DOCK7: variants seen among roughly 807,000 people sequenced by gnomAD.
DOCK7 encodes the protein dedicator of cytokinesis 7.
In DOCK7, 138 loss-of-function variants were observed where a neutral mutation model predicts 271.0. The ratio of observed to expected loss-of-function variants is 0.51; its 90% CI spans 0.44 to 0.59. The LOEUF (loss-of-function observed/expected upper bound fraction) is 0.59. Among genes scored for constraint, DOCK7 ranks in the 20% least tolerant of loss-of-function variants. DOCK7 has a pLI of 0.00. For synonymous variants in DOCK7, 823 were observed against 876.1 expected (o/e 0.94, Z 1.07); for missense variants, 2,066 against 2,592.4 (o/e 0.80, Z 4.41).
At chr1:62,535,366 G>T (rs972570355) in intron 29 of DOCK7, 127 bp downstream of exon 29, 7 of 729,940 alleles carry the variant, frequency 9.6e-6, no homozygotes, top group Non-Finnish European at 1.3e-5. Context: ...GAAACTTAGT[G>T]AAGAGGGAAG....
At chr1:62,519,000 A>C (rs865800285) in intron 31 of DOCK7, among the ~76,000 whole-genome samples, 1 of 61,366 alleles carries the variant, frequency 1.6e-5, no homozygotes, top group Non-Finnish European at 3.1e-5. Flanking sequence ...TGAAAAAGTC[A>C]TGCTATACAC....
intron 41 of DOCK7, 90 bp from the exon 42 acceptor site, chr1:62,489,155 G>A (rs1361701274): frequency 1.6e-6 from 2 of 1,276,894 alleles, no homozygotes; most frequent in African/African-American, 3.0e-5. Flanking sequence ...TTTCTATTAA[G>A]ATAATACACT....
chr1:62,598,173 T>A lies in DOCK7; in HGVS notation c.1683-11549A>T, dbSNP rs759642499. 2.8e-6 allele frequency: 3 copies of A among 1,060,568 alleles called. No individual in the cohort carries two copies. In the Admixed American group the frequency reaches 9.3e-5, roughly 33 times the overall value. The allele number at this position is 1,060,568 out of a possible 1,614,324, so 65.7% of individuals were successfully genotyped here. ...ACTTTGTTGCATTGTTGAAATACTT[T>A]TTTTTCCAAGAAAAATAATCTCCAG... On this transcript the variant is annotated intron_variant, in intron 14 of 49. Coordinates refer to ENST00000635253, the MANE Select transcript of DOCK7 (RefSeq NM_001367561.1).
chr1:62,585,179 C>T (rs575775897), intron 15 of DOCK7, among the ~76,000 whole-genome samples: 16 of 151,842 alleles, frequency 1.1e-4, no homozygotes, highest in Non-Finnish European at 2.2e-4. Context: ...ATGCAATAAT[C>T]TGAAAAAAAT....
intron 4 of DOCK7, among the ~76,000 whole-genome samples, chr1:62,652,655 A>G (rs939092055): frequency 6.6e-6 from 1 of 152,188 alleles, no homozygotes; most frequent in Non-Finnish European, 1.5e-5. Context: ...GCAGATTTCC[A>G]TGATTCTGAG....
intron 21 of DOCK7, among the ~76,000 whole-genome samples, chr1:62,553,352 ATATTTTTTTTTTTT>A (rs1646014746): frequency 1.9e-3 from 18 of 9,414 alleles, no homozygotes; most frequent in South Asian, 5.9e-3. Flanking sequence ...ATATATATAT[ATATTTTTTTTTTTT>A]TTTTTTTTTT....
intron 31 of DOCK7, among the ~76,000 whole-genome samples, chr1:62,523,639 T>C (rs1018418654): frequency 1.3e-5 from 2 of 152,132 alleles, no homozygotes; most frequent in Non-Finnish European, 2.9e-5. Flanking sequence ...GAGGTCGAGA[T>C]GGGCAGATCA....
chr1:62,505,678 C>G lies in DOCK7; in HGVS notation c.4611+4G>C. 5 of 1,599,682 alleles carry G rather than the reference C, an allele frequency of 3.1e-6. No individual in the cohort carries two copies. Among genetic ancestry groups the G allele is most frequent in the Non-Finnish European group, 4.3e-6 (5 of 1,175,238 alleles). ...GACAACACTGCAGGTACAAAATAACCTACCTTTGAAACCAAGGCTCTCTGT... is the reference window on the plus strand; with the variant it reads ...GACAACACTGCAGGTACAAAATAACGTACCTTTGAAACCAAGGCTCTCTGT... On this transcript the variant is annotated splice_donor_region_variant and intron_variant, in intron 36 of 49. Coordinates refer to ENST00000635253, the MANE Select transcript of DOCK7 (RefSeq NM_001367561.1).
At chr1:62,526,549 A>C (rs573513761) in intron 31 of DOCK7, among the ~76,000 whole-genome samples, 120 of 152,250 alleles carry the variant, frequency 7.9e-4, no homozygotes, top group African/African-American at 2.8e-3. Context: ...GAAGTACCAT[A>C]TGATCCAGCA....
intron 14 of DOCK7, among the ~76,000 whole-genome samples, chr1:62,594,000 T>G (rs370629004): frequency 2.6e-5 from 4 of 152,272 alleles, no homozygotes; most frequent in African/African-American, 9.6e-5. Flanking sequence ...TTTAAACAAT[T>G]TAGGCTCTTA....
intron 15 of DOCK7, 149 bp downstream of exon 15, chr1:62,586,358 A>C: frequency 1.8e-6 from 1 of 565,360 alleles, no homozygotes; most frequent in Non-Finnish European, 3.1e-6. Flanking sequence ...AAGTAATGTC[A>C]TTACTATCTA....
rs1403105723 is a variant in DOCK7, at chr1:62,625,339, T to A, written c.1345A>T (p.Arg449Trp). 6.2e-7 allele frequency: 1 copy of A among 1,613,546 alleles called. No homozygotes were observed. Among genetic ancestry groups the A allele is most frequent in the Non-Finnish European group, 8.5e-7 (1 of 1,179,722 alleles). Residue 449 changes from arginine (R) to tryptophan (W), a missense_variant, in exon 12 of 50, where the codon AGG (arginine) becomes TGG (tryptophan). Transcript: ENST00000635253. The part of the protein sequence containing the change: ...SSIVGRRSLE[R>W]TTSGDDACNL... The stretch of plus-strand genomic sequence containing the variant: ...CAAGCATCATCTCCACTTGTTGTCC[T>A]TTCAAGTGATCGTCTGCCAACAATA...
rs1477532258 is a variant in DOCK7, at chr1:62,648,260, C to G, written c.578G>C (p.Cys193Ser). 1 of 1,613,648 alleles carries G rather than the reference C, an allele frequency of 6.2e-7. No homozygotes were observed. The change falls in exon 6 of 50, where the codon TGT (cysteine) becomes TCT (serine). Residue 193 changes from cysteine to serine, a missense_variant. By Grantham distance (112) the Cys-to-Ser change is moderately radical. Transcript: ENST00000635253. Reference protein sequence around the residue: ...IDDTPRGSWACSIFDLKNSLP... With the variant: ...IDDTPRGSWASSIFDLKNSLP... Reference sequence around the variant, plus strand: ...TGAATTTTTCAAGTCAAAGATACTACAGGCCCAGCTACCCCTTGGGGTATC... The same window carrying G: ...TGAATTTTTCAAGTCAAAGATACTAGAGGCCCAGCTACCCCTTGGGGTATC...
chr1:62,494,209 C>T (rs1646550702), intron 40 of DOCK7, 66 bp downstream of exon 40: 3 of 1,371,008 alleles, frequency 2.2e-6, no homozygotes, highest in South Asian at 3.6e-5. Context: ...ATCTAAACAC[C>T]AGTGAGAAAA....
At chr1:62,596,537 T>C (rs1649274419) in intron 14 of DOCK7, among the ~76,000 whole-genome samples, 1 of 152,078 alleles carries the variant, frequency 6.6e-6, no homozygotes, top group African/African-American at 2.4e-5. Context: ...CTCACGCTTG[T>C]AATCGGCTGG....
rs1157369743 is a variant in DOCK7 at position 62,528,321 on chromosome 1, C to T, written c.3782-16G>A. ...TTGTGAGTTTCTAAAGAAAAATAAT[C>T]CAAAAAAATAAATAAAACTGTTTAG... is the stretch of plus-strand genomic sequence containing the variant. On this transcript the variant is annotated splice_polypyrimidine_tract_variant and intron_variant, in intron 30 of 49. Transcript: ENST00000635253. 1.0e-5 allele frequency: 16 copies of T among 1,594,732 alleles called. No homozygotes were observed. Among genetic ancestry groups the T allele is most frequent in the Non-Finnish European group, 1.4e-5 (16 of 1,169,824 alleles).
chr1:62,562,888 G>A (rs1390781700), intron 18 of DOCK7, among the ~76,000 whole-genome samples: 2 of 152,016 alleles, frequency 1.3e-5, no homozygotes, highest in African/African-American at 4.8e-5. Flanking sequence ...AACAAATCCT[G>A]GCCCCACTCT....
intron 28 of DOCK7, among the ~76,000 whole-genome samples, chr1:62,536,285 G>C (rs1488648281): frequency 1.3e-5 from 2 of 152,110 alleles, no homozygotes; most frequent in Non-Finnish European, 2.9e-5. Flanking sequence ...AAAAAAGAGT[G>C]ATGTCTCTGT....
intron 48 of DOCK7, among the ~76,000 whole-genome samples, chr1:62,467,648 G>GA (rs779383149): frequency 6.6e-6 from 1 of 152,172 alleles, no homozygotes; most frequent in Non-Finnish European, 1.5e-5. Context: ...CCATACAGAT[G>GA]AATTCACAGC....
Sources: allele counts gnomAD v4.1 joint callset (sites outside exome capture counted in the v4.1 genomes callset), GRCh38; gene constraint gnomAD v4.1.1; transcripts MANE v1.5; gene names NCBI Gene and HGNC (gene_info 2026-07-23, HGNC 2026-07-21).